DNAJB1: variants seen among roughly 807,000 people sequenced by gnomAD.
The protein encoded by DNAJB1 is dnaJ homolog subfamily B member 1.
In DNAJB1, 14 loss-of-function variants were observed where a neutral mutation model predicts 24.0. The observed-to-expected ratio is 0.58, with a 90% CI of 0.39 to 0.91. The LOEUF (loss-of-function observed/expected upper bound fraction) is 0.91. Among genes scored for constraint, DNAJB1 ranks in the 40% least tolerant of loss-of-function variants. DNAJB1 has a pLI of 0.00. For synonymous variants in DNAJB1, 262 were observed against 174.4 expected (o/e 1.50, Z -3.96); for missense variants, 517 against 458.1 (o/e 1.13, Z -1.17).
chr19:14,535,696 G>A (rs1391654389), intron 1 of DNAJB1, among the ~76,000 whole-genome samples: 1 of 137,316 alleles, frequency 7.3e-6, no homozygotes, highest in African/African-American at 2.8e-5. Context: ...TGGAGGTCGC[G>A]GACGAGCTGA....
Position 14,515,782 on chromosome 19 carries a change from A to C in DNAJB1, c.*158T>G. 2 of 701,208 alleles carry C rather than the reference A, an allele frequency of 2.9e-6. No homozygotes were observed. Among genetic ancestry groups the C allele is most frequent in the Non-Finnish European group, 4.7e-6 (2 of 426,294 alleles). The allele number at this position is 701,208 out of a possible 1,614,324, so 43.4% of individuals were successfully genotyped here. On this transcript the variant is annotated 3_prime_UTR_variant, in exon 3 of 3. Transcript: ENST00000254322. ...AAAAACCACTGAAGTCTAGTGTGCGACTTTGAAAGATTGTAATATATGCTC... is the reference window on the plus strand; with the variant it reads ...AAAAACCACTGAAGTCTAGTGTGCGCCTTTGAAAGATTGTAATATATGCTC...
chr19:14,542,766 C>T (rs1046965578), intron 1 of DNAJB1, among the ~76,000 whole-genome samples: 1 of 152,034 alleles, frequency 6.6e-6, no homozygotes, highest in East Asian at 1.9e-4. Flanking sequence ...CGACTCACCC[C>T]AGTTACATGG....
intron 1 of DNAJB1, among the ~76,000 whole-genome samples, chr19:14,543,161 T>A (rs1201299316): frequency 6.6e-6 from 1 of 150,504 alleles, no homozygotes; most frequent in Non-Finnish European, 1.5e-5. Flanking sequence ...GAGCTGAGCC[T>A]CCAGGCTCCT....
At chr19:14,546,376 CAGG>C (rs2073307591) in intron 1 of DNAJB1, among the ~76,000 whole-genome samples, 1 of 151,922 alleles carries the variant, frequency 6.6e-6, no homozygotes, top group Non-Finnish European at 1.5e-5. Flanking sequence ...CACTTGAGGT[CAGG>C]AGTTCAAGAC....
chr19:14,538,975 CA>C (rs1436599148), intron 1 of DNAJB1, among the ~76,000 whole-genome samples: 2 of 148,234 alleles, frequency 1.3e-5, no homozygotes, highest in African/African-American at 2.5e-5. Context: ...ATGCAAGTCA[CA>C]TTTTTTTTTT....
chr19:14,532,947 TA>T (rs1419734452), upstream of DNAJB1, among the ~76,000 whole-genome samples: 1 of 146,382 alleles, frequency 6.8e-6, no homozygotes, highest in African/African-American at 2.5e-5. Flanking sequence ...TCGTCTCTAC[TA>T]AAAACAAAAA....
At chr19:14,543,408 TATATATATA>T (rs2073178712) in intron 1 of DNAJB1, among the ~76,000 whole-genome samples, 2 of 10,310 alleles carry the variant, frequency 1.9e-4, no homozygotes, top group African/African-American at 6.2e-4. Flanking sequence ...TATATATATA[TATATATATA>T]TATTTTTTTT....
chr19:14,548,803 G>A (rs1438817099), intron 1 of DNAJB1, among the ~76,000 whole-genome samples: 1 of 151,812 alleles, frequency 6.6e-6, no homozygotes, highest in Non-Finnish European at 1.5e-5. Flanking sequence ...TCAAACTCCT[G>A]ATTTCAAGTG....
Position 14,516,967 on chromosome 19 carries a change from G to A in DNAJB1, c.291C>T (p.Asp97=), listed in dbSNP as rs754981506. The A allele has an allele frequency of 1.4e-5, 23 of 1,613,134 alleles. 1 individual carries two copies. Among genetic ancestry groups the A allele is most frequent in the Admixed American group, 1.0e-4 (6 of 60,006 alleles). The change falls in exon 2 of 3, where the codon GAC becomes GAT. Residue 97 remains aspartate, a synonymous_variant. Coordinates refer to ENST00000254322, the MANE Select transcript of DNAJB1 (RefSeq NM_006145.3). ...GTSFSYTFHG[D]PHAMFAEFFG... Reference sequence around the variant, plus strand: ...AGAACTCAGCAAACATGGCATGAGGGTCTCCATGGAATGTGTAGCTGAAAG... The same window carrying A: ...AGAACTCAGCAAACATGGCATGAGGATCTCCATGGAATGTGTAGCTGAAAG...
chr19:14,555,181 C>T (rs556282550), upstream of DNAJB1, among the ~76,000 whole-genome samples: 4 of 151,730 alleles, frequency 2.6e-5, no homozygotes, highest in East Asian at 1.9e-4. Flanking sequence ...TAGGCTTAAG[C>T]GATCCTTCTG....
chr19:14,553,967 T>C (rs958974738), upstream of DNAJB1, among the ~76,000 whole-genome samples: 1 of 152,114 alleles, frequency 6.6e-6, no homozygotes, highest in African/African-American at 2.4e-5. Context: ...ACTCGGGAGA[T>C]GCTTCCTACC....
chr19:14,546,412 C>G (rs1376759005), intron 1 of DNAJB1, among the ~76,000 whole-genome samples: 1 of 152,152 alleles, frequency 6.6e-6, no homozygotes, highest in African/African-American at 2.4e-5. Flanking sequence ...CATGCTGAAA[C>G]CCCTCTTCTA....
At chr19:14,516,400 A>T in intron 2 of DNAJB1, 66 bp downstream of exon 2, 1 of 1,533,088 alleles carries the variant, frequency 6.5e-7, no homozygotes, top group Non-Finnish European at 8.9e-7. Context: ...TTGGTTCAGC[A>T]AATACTAAAC....
In DNAJB1 at chr19:14,516,625, C is replaced by T. The variant is rs767397179; in HGVS notation, c.633G>A (p.Gly211=). Residue 211 remains glycine (G), a synonymous_variant, in exon 2 of 3, where the codon GGG becomes GGA. Transcript: ENST00000254322. Reference sequence around the variant, plus strand: ...AAGTGATTTTGGTTCCTTCTTTCCACCCCTTCTTCACTTCGATGGTCAATA... The same window carrying T: ...AAGTGATTTTGGTTCCTTCTTTCCATCCCTTCTTCACTTCGATGGTCAATA... ...DKILTIEVKK[G]WKEGTKITFP... 6.2e-7 allele frequency: 1 copy of T among 1,614,208 alleles called. No individual in the cohort carries two copies. The highest frequency in any genetic ancestry group is 1.7e-5 in the Admixed American group (1 of 60,020).
chr19:14,539,140 A>ATTTTTTTTTTTTTT (rs57801378), intron 1 of DNAJB1, among the ~76,000 whole-genome samples: 1 of 92,532 alleles, frequency 1.1e-5, no homozygotes. Flanking sequence ...CGCCCGGCTA[A>ATTTTTTTTTTTTTT]TTTTTTTTTT....
intron 1 of DNAJB1, among the ~76,000 whole-genome samples, chr19:14,539,427 C>T (rs553820590): frequency 8.5e-5 from 13 of 152,182 alleles, no homozygotes; most frequent in South Asian, 2.1e-4. Context: ...GGCTAGAAGA[C>T]AGTCTGGCCA....
chr19:14,543,405 ATATATATATATATATTTTTTTTTTTTT>A (rs2073174711), intron 1 of DNAJB1, among the ~76,000 whole-genome samples: 4 of 19,570 alleles, frequency 2.0e-4, no homozygotes, highest in African/African-American at 4.5e-4. Flanking sequence ...ATATATATAT[ATATATATATATATATTTTTTTTTTTTT>A]TTTTTTTTTT....
chr19:14,543,456 T>G (rs2146582920), intron 1 of DNAJB1, among the ~76,000 whole-genome samples: 1 of 82,136 alleles, frequency 1.2e-5, no homozygotes, highest in East Asian at 4.3e-4. Context: ...TTTTTTTTTT[T>G]GAGACGGAGT....
upstream of DNAJB1, chr19:14,529,413 C>T: frequency 3.4e-6 from 2 of 595,208 alleles, no homozygotes. Context: ...TCTTTAGCCC[C>T]TCCTACAGGC....
Sources: gnomAD v4.1 joint callset for allele counts (sites outside exome capture counted in the v4.1 genomes callset) on GRCh38, gnomAD v4.1.1 for gene constraint, MANE v1.5 for transcripts, NCBI Gene and HGNC (gene_info 2026-07-23, HGNC 2026-07-21) for gene names.